The following TPD52 variants were observed in gnomAD, a reference collection of about 807,000 sequenced individuals.
TPD52 encodes prostate and colon associated protein.
Under a neutral mutation model 31.3 loss-of-function variants are expected in TPD52, and 17 were observed. The ratio of observed to expected loss-of-function variants is 0.54; its 90% CI spans 0.37 to 0.82. TPD52 has a LOEUF of 0.82. TPD52 is among the 40% of genes least tolerant of loss of function. The pLI is 0.00. For missense variants in TPD52, 212 were observed against 240.1 expected (o/e 0.88, Z 0.77); for synonymous variants, 83 against 89.6 (o/e 0.93, Z 0.42).
chr8:80,097,568 C>G (rs747463128), intron 1 of TPD52, among the ~76,000 whole-genome samples: 1 of 152,186 alleles, frequency 6.6e-6, no homozygotes, highest in Non-Finnish European at 1.5e-5. Flanking sequence ...CCACTTTGCT[C>G]TCTTCCTCCT....
At chr8:80,104,576 A>AT (rs1806970255) in intron 1 of TPD52, among the ~76,000 whole-genome samples, 1 of 150,886 alleles carries the variant, frequency 6.6e-6, no homozygotes, top group Non-Finnish European at 1.5e-5. Flanking sequence ...AAAAAAAAAA[A>AT]ACAACAACAA....
intron 1 of TPD52, among the ~76,000 whole-genome samples, chr8:80,166,942 T>C (rs1811756952): frequency 6.6e-6 from 1 of 152,152 alleles, no homozygotes; most frequent in African/African-American, 2.4e-5. Context: ...GTTTAAAGCA[T>C]AGATACATGA....
At chr8:80,033,275 T>C (rs1193953733), downstream of TPD52, 1 of 134,402 alleles carries the variant, frequency 7.4e-6, no homozygotes, top group Non-Finnish European at 1.6e-5. Flanking sequence ...TCAACTCTTC[T>C]CGTTGCCTGC....
At chr8:80,047,036 C>T (rs928355314) in intron 5 of TPD52, among the ~76,000 whole-genome samples, 1 of 152,174 alleles carries the variant, frequency 6.6e-6, no homozygotes, top group African/African-American at 2.4e-5. Context: ...TATTGATGTA[C>T]TATTATTCCA....
chr8:80,166,993 C>T (rs1328198064), intron 1 of TPD52, among the ~76,000 whole-genome samples: 6 of 152,306 alleles, frequency 3.9e-5, no homozygotes, highest in East Asian at 3.9e-4. Context: ...TTCTCATTCT[C>T]GCACAGGATT....
chr8:80,169,534 A>C (rs1811939736), intron 1 of TPD52, among the ~76,000 whole-genome samples: 1 of 152,216 alleles, frequency 6.6e-6, no homozygotes, highest in South Asian at 2.1e-4. Context: ...ATGACTGTTG[A>C]TTCTTACCAC....
intron 1 of TPD52, among the ~76,000 whole-genome samples, chr8:80,076,172 T>A (rs976703448): frequency 2.0e-5 from 3 of 152,224 alleles, no homozygotes; most frequent in Non-Finnish European, 4.4e-5. Flanking sequence ...CCCAAAGGAA[T>A]ATAAACCATT....
At chr8:80,064,042 CAGGGT>C (rs1187046261) in intron 2 of TPD52, among the ~76,000 whole-genome samples, 1 of 101,278 alleles carries the variant, frequency 9.9e-6, no homozygotes, top group Non-Finnish European at 1.9e-5. Context: ...GGAGGGAAGG[CAGGGT>C]AGGGAAGGGA....
At chr8:80,058,921 C>G (rs776133132) in intron 2 of TPD52, among the ~76,000 whole-genome samples, 18 of 152,174 alleles carry the variant, frequency 1.2e-4, no homozygotes, top group Non-Finnish European at 2.2e-4. Flanking sequence ...TACAAACAGA[C>G]AGAAGATCAT....
rs1563666306 is a variant in TPD52, at chr8:80,154,735, ACACACACACACAC to A, written c.19+16677_19+16689del. Among the ~76,000 whole-genome samples the A allele has an allele frequency of 1.0e-3, 141 of 141,624 alleles. 1 individual carries two copies. In the East Asian group the frequency reaches 0.015, roughly 15 times the overall value. The allele number at this position is 141,624 out of a possible 152,430, so 92.9% of individuals were successfully genotyped here. ...CACACACACACACACACACACACAC[ACACACACACACAC>A]ACACAAAACACCTACATTAGCTTTG... On this transcript the variant is annotated intron_variant, in intron 1 of 7. Transcript: ENST00000518937.
intron 1 of TPD52, among the ~76,000 whole-genome samples, chr8:80,159,855 C>T (rs536022605): frequency 6.6e-6 from 1 of 152,280 alleles, no homozygotes; most frequent in East Asian, 1.9e-4. Context: ...GAAAACATTT[C>T]TTTAAAAAGT....
intron 1 of TPD52, chr8:80,123,155 T>A (rs1808374667): frequency 6.6e-6 from 1 of 152,300 alleles, no homozygotes; most frequent in Admixed American, 6.5e-5. Context: ...AGTTCAGGTC[T>A]GCATCTTAGA....
At chr8:80,087,306 C>A (rs2130864416) in intron 1 of TPD52, among the ~76,000 whole-genome samples, 1 of 152,292 alleles carries the variant, frequency 6.6e-6, no homozygotes, top group African/African-American at 2.4e-5. Context: ...CCCTCCCCCA[C>A]ACCTGTGTTG....
chr8:80,062,572 A>T (rs1812663341), intron 2 of TPD52, among the ~76,000 whole-genome samples: 1 of 152,240 alleles, frequency 6.6e-6, no homozygotes, highest in Non-Finnish European at 1.5e-5. Flanking sequence ...TCAACAACAC[A>T]GAAAATAACA....
intron 1 of TPD52, among the ~76,000 whole-genome samples, chr8:80,168,912 C>T (rs1811887663): frequency 2.6e-5 from 4 of 152,174 alleles, no homozygotes; most frequent in Admixed American, 2.0e-4. Context: ...ACTGTGTGCA[C>T]TGGTAACATA....
At chr8:80,061,385 C>CCCCCCCA (rs1484546324) in intron 2 of TPD52, among the ~76,000 whole-genome samples, 4 of 102,086 alleles carry the variant, frequency 3.9e-5, no homozygotes, top group Non-Finnish European at 5.9e-5. Flanking sequence ...CCGCCCCCCC[C>CCCCCCCA]AAAAAAAAAA....
At chr8:80,097,598 T>C (rs1806425751) in intron 1 of TPD52, among the ~76,000 whole-genome samples, 1 of 152,164 alleles carries the variant, frequency 6.6e-6, no homozygotes, top group Non-Finnish European at 1.5e-5. Flanking sequence ...ATCTAAGACG[T>C]CCCTGCTTCC....
intron 1 of TPD52, among the ~76,000 whole-genome samples, chr8:80,103,979 C>T (rs764343275): frequency 1.3e-5 from 2 of 152,184 alleles, no homozygotes; most frequent in African/African-American, 4.8e-5. Flanking sequence ...AAAAGCTAGG[C>T]AGTGAACCAA....
Position 80,038,192 on chromosome 8 carries a change from T to C in TPD52, c.548A>G (p.Glu183Gly), listed in dbSNP as rs777491282. 1.2e-6 allele frequency: 2 copies of C among 1,613,998 alleles called. No homozygotes were observed. Among genetic ancestry groups the C allele is most frequent in the Admixed American group, 3.3e-5 (2 of 60,020 alleles). Reference protein sequence around the residue: ...GTKPAGGDFGEVLNSAANASA... With the variant: ...GTKPAGGDFGGVLNSAANASA... The stretch of plus-strand genomic sequence containing the variant: ...AGCATTTGCAGCCGAATTCAAGACT[T>C]CTCCAAAATCACCACCAGCAGGCTT... The change falls in exon 8 of 8, where the codon GAA (glutamate) becomes GGA (glycine). Residue 183 changes from glutamate to glycine, a missense_variant. Glu to Gly is a moderately conservative substitution (Grantham distance 98). Coordinates refer to ENST00000518937, the MANE Select transcript of TPD52 (RefSeq NM_001025253.3).
Sources: gnomAD v4.1 joint callset for allele counts (sites outside exome capture counted in the v4.1 genomes callset) on GRCh38, gnomAD v4.1.1 for gene constraint, MANE v1.5 for transcripts, NCBI Gene and HGNC (gene_info 2026-07-23, HGNC 2026-07-21) for gene names.